The following CCDC73 variants were observed in gnomAD, a reference collection of about 807,000 sequenced individuals.
The protein encoded by CCDC73 is coiled-coil domain-containing protein 73.
CCDC73 carries 95 observed loss-of-function variants against 116.5 expected under a neutral mutation model. The observed-to-expected ratio is 0.82, with a 90% confidence interval of 0.69 to 0.97. The LOEUF is 0.97. Among genes scored for constraint, CCDC73 ranks in the 50% least tolerant of loss-of-function variants. The pLI is 0.00. For missense variants in CCDC73, 1,066 were observed against 1,206.8 expected, an observed-to-expected ratio of 0.88 and a Z score of 1.73; for synonymous variants, 398 against 401.3, an observed-to-expected ratio of 0.99 and a Z score of 0.10.
chr11:32,687,427 C>A (rs891862014), intron 6 of CCDC73, among the ~76,000 whole-genome samples: 1 of 152,074 alleles, frequency 6.6e-6, no homozygotes, highest in Non-Finnish European at 1.5e-5. Flanking sequence ...GAGGGGGCAG[C>A]AGAATGGTGG....
Position 32,746,080 on chromosome 11 carries a change from T to A in CCDC73, c.135+14029A>T, listed in dbSNP as rs12291815. Among the ~76,000 whole-genome samples, 393 of 152,356 alleles carry A rather than the reference T, an allele frequency of 2.6e-3. 1 individual carries two copies. Among genetic ancestry groups the A allele is most frequent in the African/African-American group, 9.3e-3 (385 of 41,586 alleles). The stretch of plus-strand genomic sequence containing the variant: ...GACTAGTACCGTTTGTTCCTTTCTA[T>A]GTTTAGTGCTTCCTTCAGGAGCTCT... On this transcript the variant is annotated intron_variant, in intron 2 of 17. Coordinates refer to ENST00000335185, the MANE Select transcript of CCDC73 (RefSeq NM_001008391.4).
intron 9 of CCDC73, among the ~76,000 whole-genome samples, chr11:32,667,661 C>T (rs1323213030): frequency 6.6e-6 from 1 of 152,166 alleles, no homozygotes; most frequent in African/African-American, 2.4e-5. Flanking sequence ...TGGGCTACAC[C>T]CACTGCTCTG....
intron 13 of CCDC73, among the ~76,000 whole-genome samples, chr11:32,638,176 A>G (rs1401633544): frequency 6.6e-6 from 1 of 152,226 alleles, no homozygotes; most frequent in Non-Finnish European, 1.5e-5. Context: ...TCACAGACTC[A>G]TAGGTTCATG....
intron 6 of CCDC73, among the ~76,000 whole-genome samples, chr11:32,687,424 C>T (rs1053147606): frequency 9.2e-5 from 14 of 152,016 alleles, no homozygotes; most frequent in African/African-American, 3.4e-4. Flanking sequence ...AAAGAGGGGG[C>T]AGCAGAATGG....
In CCDC73 at chr11:32,767,714, T is replaced by C. The variant is rs896103818; in HGVS notation, c.-15-7456A>G. Among the ~76,000 whole-genome samples, 28 of 152,150 alleles carry C rather than the reference T, an allele frequency of 1.8e-4. No homozygotes were observed. The South Asian group carries it at 2.5e-3, about 14-fold the overall frequency. ...GACATTTATGCAGCCAAAAGACACA[T>C]GAAAAAATGCTCATCATCACTGGCC... On this transcript the variant is annotated intron_variant, in intron 1 of 17. Transcript: ENST00000335185.
intron 1 of CCDC73, among the ~76,000 whole-genome samples, chr11:32,763,227 T>C (rs1645571765): frequency 6.6e-6 from 1 of 152,220 alleles, no homozygotes; most frequent in African/African-American, 2.4e-5. Flanking sequence ...ACTGTTCCTG[T>C]CTGACAGCTT....
the CCDC73 span, among the ~76,000 whole-genome samples, chr11:32,815,377 C>A: frequency 6.6e-6 from 1 of 151,298 alleles, no homozygotes; most frequent in Admixed American, 6.6e-5. Flanking sequence ...CTTTGTTGCC[C>A]AGGCTGGAGT....
At chr11:32,616,233 A>T in intron 14 of CCDC73, 104 bp from the exon 15 acceptor site, 1 of 1,150,028 alleles carries the variant, frequency 8.7e-7, no homozygotes, top group Non-Finnish European at 1.2e-6. Context: ...TCAACCATTC[A>T]GCAATTTCTA....
intron 3 of CCDC73, among the ~76,000 whole-genome samples, chr11:32,707,765 A>G (rs1167699687): frequency 2.0e-5 from 3 of 152,154 alleles, no homozygotes; most frequent in Non-Finnish European, 2.9e-5. Context: ...ATTATAAACG[A>G]TTCAATACTT....
intron 14 of CCDC73, among the ~76,000 whole-genome samples, chr11:32,629,173 G>T (rs1438321650): frequency 6.6e-6 from 1 of 152,092 alleles, no homozygotes; most frequent in East Asian, 1.9e-4. Flanking sequence ...AGTAACCTGT[G>T]GGACAATATT....
chr11:32,789,122 G>A (rs1299909523), intron 1 of CCDC73, among the ~76,000 whole-genome samples: 2 of 151,992 alleles, frequency 1.3e-5, no homozygotes, highest in African/African-American at 4.8e-5. Flanking sequence ...TGAGATTTTA[G>A]GCTACTTATA....
At chr11:32,726,881 T>C (rs1949002102) in intron 2 of CCDC73, among the ~76,000 whole-genome samples, 1 of 152,120 alleles carries the variant, frequency 6.6e-6, no homozygotes, top group African/African-American at 2.4e-5. Flanking sequence ...AATTACAAAA[T>C]AATTTGAATA....
intron 16 of CCDC73, among the ~76,000 whole-genome samples, 187 bp downstream of exon 16, chr11:32,613,235 C>T (rs1855438349): frequency 6.6e-6 from 1 of 152,130 alleles, no homozygotes; most frequent in South Asian, 2.1e-4. Flanking sequence ...AATATTCACA[C>T]TTGGCAGAAG....
chr11:32,762,048 C>T (rs10767963), intron 1 of CCDC73, among the ~76,000 whole-genome samples: 89,238 of 151,546 alleles, frequency 0.59, 26,547 homozygotes, highest in East Asian at 0.84. Context: ...TTAATCACAG[C>T]CATAAAATAC....
the CCDC73 span, among the ~76,000 whole-genome samples, chr11:32,811,168 A>G: frequency 6.6e-6 from 1 of 152,128 alleles, no homozygotes; most frequent in Non-Finnish European, 1.5e-5. Context: ...TATTTTAGGA[A>G]ATAAAGCATA....
intron 4 of CCDC73, among the ~76,000 whole-genome samples, chr11:32,701,457 T>C (rs1849810000): frequency 6.6e-6 from 1 of 152,074 alleles, no homozygotes; most frequent in African/African-American, 2.4e-5. Context: ...TCCCAATACT[T>C]TGGGAAGCTG....
intron 12 of CCDC73, among the ~76,000 whole-genome samples, chr11:32,647,733 G>A (rs566312915): frequency 6.6e-6 from 1 of 151,734 alleles, no homozygotes; most frequent in Admixed American, 6.6e-5. Flanking sequence ...CTCTCAATGA[G>A]GATACTGGGC....
At chr11:32,722,227 A>G (rs1443651038) in intron 2 of CCDC73, among the ~76,000 whole-genome samples, 1 of 152,164 alleles carries the variant, frequency 6.6e-6, no homozygotes, top group Non-Finnish European at 1.5e-5. Flanking sequence ...CAAAATGGTT[A>G]CTTTCATTTT....
intron 1 of CCDC73, among the ~76,000 whole-genome samples, chr11:32,788,365 T>G (rs1509884): frequency 0.58 from 87,482 of 151,990 alleles, 25,494 homozygotes; most frequent in East Asian, 0.85. Flanking sequence ...TACTGATTTT[T>G]AAAAATTAAT....
Sources: allele counts gnomAD v4.1 joint callset (sites outside exome capture counted in the v4.1 genomes callset), GRCh38; gene constraint gnomAD v4.1.1; transcripts MANE v1.5; gene names NCBI Gene and HGNC (gene_info 2026-07-23, HGNC 2026-07-21).